Variants in NR2C1 observed in about 807,000 individuals in gnomAD.
NR2C1 encodes TR2 nuclear hormone receptor.
Under a neutral mutation model 74.8 loss-of-function variants are expected in NR2C1, and 33 were observed. The observed-to-expected ratio is 0.44, with a 90% confidence interval of 0.33 to 0.59. The LOEUF (loss-of-function observed/expected upper bound fraction) is 0.59, where lower values mean the gene tolerates loss of function less well. Among genes scored for constraint, NR2C1 ranks in the 20% least tolerant of loss-of-function variants. NR2C1 has a pLI of 0.02. For missense variants in NR2C1, 568 were observed against 715.6 expected, an observed-to-expected ratio of 0.79 and a Z score of 2.35; for synonymous variants, 225 against 240.6, an observed-to-expected ratio of 0.94 and a Z score of 0.60.
At position 95,072,455 on chromosome 12, in the gene NR2C1, C is replaced by CAAAA. The variant is rs570185714; in HGVS notation, c.-8+921_-8+924dup. Among the ~76,000 whole-genome samples the CAAAA allele has an allele frequency of 8.8e-3, 530 of 60,168 alleles. 11 individuals carry two copies. The East Asian group carries it at 0.16, about 18-fold the overall frequency. 39.5% of individuals were successfully genotyped at this position (60,168 alleles called of 152,430 possible). A position where few individuals can be genotyped will look rare whatever the true frequency, so the allele number is the denominator to read the frequency against. ...CGACAGTGAGACTCCCTCTCCCTCT[C>CAAAA]AAAAAAAAAAAAAAAAAAAGAAAAA... is the stretch of plus-strand genomic sequence containing the variant. On this transcript the variant is annotated intron_variant, in intron 1 of 13. Transcript: ENST00000333003.
chr12:95,042,560 G>A (rs1003950903), intron 9 of NR2C1, among the ~76,000 whole-genome samples: 2 of 151,032 alleles, frequency 1.3e-5, no homozygotes, highest in African/African-American at 4.9e-5. Context: ...CCCCTCAAAG[G>A]TATCTTCTAT....
intron 11 of NR2C1, among the ~76,000 whole-genome samples, chr12:95,029,607 G>A (rs951604619): frequency 6.7e-6 from 1 of 149,602 alleles, no homozygotes; most frequent in African/African-American, 2.5e-5. Context: ...GCCCAGGCTG[G>A]AGTGCAGTGG....
intron 12 of NR2C1, 93 bp downstream of exon 12, chr12:95,028,294 C>T: frequency 9.7e-7 from 1 of 1,033,990 alleles, no homozygotes; most frequent in Non-Finnish European, 1.4e-6. Flanking sequence ...GGTAACTGCA[C>T]CATTTTACAT....
chr12:95,052,784 C>T (rs1317697439), intron 7 of NR2C1, among the ~76,000 whole-genome samples: 1 of 151,956 alleles, frequency 6.6e-6, no homozygotes, highest in Non-Finnish European at 1.5e-5. Context: ...TAGTGAAGAG[C>T]GGGGGAAAAA....
intron 13 of NR2C1, among the ~76,000 whole-genome samples, chr12:95,023,959 C>A (rs890704724): frequency 6.6e-6 from 1 of 152,154 alleles, no homozygotes; most frequent in Non-Finnish European, 1.5e-5. Flanking sequence ...CACTCTAACA[C>A]CTCAGACCAA....
chr12:95,052,081 T>A, intron 7 of NR2C1, 138 bp from the exon 8 acceptor site: 1 of 516,260 alleles, frequency 1.9e-6, no homozygotes, highest in Non-Finnish European at 3.3e-6. Flanking sequence ...AGGGCTGAGC[T>A]TTCAGAAATT....
chr12:95,029,627 G>A (rs192453120), intron 11 of NR2C1, among the ~76,000 whole-genome samples: 351 of 146,738 alleles, frequency 2.4e-3, no homozygotes, highest in African/African-American at 8.6e-3. Context: ...GCACGATCTC[G>A]GCTCACTGCA....
Position 95,020,872 on chromosome 12 carries a change from T to C in NR2C1, c.*1357A>G, listed in dbSNP as rs551008969. The C allele has an allele frequency of 6.6e-6, 1 of 152,344 alleles. No homozygotes were observed. The highest frequency in any genetic ancestry group is 2.4e-5 in the African/African-American group (1 of 41,592). The allele number at this position is 152,344 out of a possible 1,614,324, so 9.4% of individuals were successfully genotyped here. ...CAAGGCTTCAGGCTGATTCTTATAC[T>C]GTTGTTAAAGCAGCCCTCCCGTGCT... On this transcript the variant is annotated 3_prime_UTR_variant, in exon 14 of 14. Coordinates refer to ENST00000333003, the MANE Select transcript of NR2C1 (RefSeq NM_003297.4).
At chr12:95,062,770 C>G (rs1195658129) in intron 2 of NR2C1, 32 bp from the exon 3 acceptor site, 1 of 1,535,772 alleles carries the variant, frequency 6.5e-7, no homozygotes. Context: ...ATCAATGAAA[C>G]TCAATAATTT....
intron 1 of NR2C1, among the ~76,000 whole-genome samples, chr12:95,069,676 C>G (rs896245556): frequency 6.6e-6 from 1 of 152,046 alleles, no homozygotes; most frequent in Non-Finnish European, 1.5e-5. Context: ...AATTTAACTC[C>G]GAAGATAAGG....
chr12:95,063,467 A>G (rs1875105095), intron 2 of NR2C1, among the ~76,000 whole-genome samples: 1 of 152,224 alleles, frequency 6.6e-6, no homozygotes, highest in African/African-American at 2.4e-5. Flanking sequence ...TGTAGGCCAA[A>G]CAAAAGTCTA....
At chr12:95,048,349 A>G (rs1219510842) in intron 9 of NR2C1, among the ~76,000 whole-genome samples, 1 of 152,270 alleles carries the variant, frequency 6.6e-6, no homozygotes, top group Non-Finnish European at 1.5e-5. Flanking sequence ...ATATAGTAGT[A>G]GCTAGGCATT....
chr12:95,050,509 A>C (rs536771375), intron 8 of NR2C1, among the ~76,000 whole-genome samples: 1 of 152,106 alleles, frequency 6.6e-6, no homozygotes, highest in African/African-American at 2.4e-5. Flanking sequence ...GGGTTTCACC[A>C]TGTTGGCCAG....
In NR2C1 at chr12:95,049,196, C is replaced by G. The variant is rs148749738; in HGVS notation, c.1003G>C (p.Glu335Gln). 1.2e-6 allele frequency: 2 copies of G among 1,613,992 alleles called. No homozygotes were observed. The highest frequency in any genetic ancestry group is 2.7e-5 in the African/African-American group (2 of 74,922). The change falls in exon 9 of 14, where the codon GAG becomes CAG. Residue 335 changes from glutamate (E) to glutamine (Q), a missense_variant. Physicochemically the swap from Glu to Gln is conservative, Grantham distance 29 (BLOSUM62 2). Coordinates refer to ENST00000333003, the MANE Select transcript of NR2C1 (RefSeq NM_003297.4). Reference sequence around the variant, plus strand: ...ACTGAGCTCTGGCAGGCTGTGCTCTCTCCAGGATTCAATGCTTTTGCAAGA... The same window carrying G: ...ACTGAGCTCTGGCAGGCTGTGCTCTGTCCAGGATTCAATGCTTTTGCAAGA... The part of the protein sequence containing the change: ...DTLAKALNPG[E>Q]STACQSSVAG...
chr12:95,051,793 G>T lies in NR2C1; in HGVS notation c.934C>A (p.Gln312Lys). The T allele has an allele frequency of 6.2e-7, 1 of 1,607,518 alleles. No homozygotes were observed. The highest frequency in any genetic ancestry group is 8.5e-7 in the Non-Finnish European group (1 of 1,178,506). The stretch of plus-strand genomic sequence containing the variant: ...ACATCACCGTTGGTCTGCATTTCTT[G>T]AAATTCACACAAAGAGGTATCATCA... ...SNDDTSLCEF[Q>K]EMQTNGDVSR... Residue 312 changes from glutamine to lysine, a missense_variant, in exon 8 of 14, where the codon CAA becomes AAA. Physicochemically the swap from Gln to Lys is moderately conservative, Grantham distance 53. Coordinates refer to ENST00000333003, the MANE Select transcript of NR2C1 (RefSeq NM_003297.4).
At chr12:95,049,866 G>C (rs948529912) in intron 8 of NR2C1, among the ~76,000 whole-genome samples, 1 of 152,104 alleles carries the variant, frequency 6.6e-6, no homozygotes, top group Non-Finnish European at 1.5e-5. Context: ...CATGATCATG[G>C]CTCACTGTAA....
chr12:95,059,813 G>C, intron 4 of NR2C1, 93 bp downstream of exon 4: 1 of 825,114 alleles, frequency 1.2e-6, no homozygotes. Flanking sequence ...TTTAGTAGAA[G>C]AAACATGGTA....
At chr12:95,070,460 T>C (rs1353747008) in intron 1 of NR2C1, among the ~76,000 whole-genome samples, 1 of 152,192 alleles carries the variant, frequency 6.6e-6, no homozygotes, top group Non-Finnish European at 1.5e-5. Flanking sequence ...ACACTGTTGG[T>C]GGAAGGTTAG....
chr12:95,054,747 A>G (rs1873576972), intron 7 of NR2C1, among the ~76,000 whole-genome samples: 1 of 152,164 alleles, frequency 6.6e-6, no homozygotes, highest in Non-Finnish European at 1.5e-5. Flanking sequence ...ATCTAACTAG[A>G]TTCTTTTTTA....
Sources: gnomAD v4.1 joint callset for allele counts (sites outside exome capture counted in the v4.1 genomes callset) on GRCh38, gnomAD v4.1.1 for gene constraint, MANE v1.5 for transcripts, NCBI Gene and HGNC (gene_info 2026-07-23, HGNC 2026-07-21) for gene names.